Variants in DLG2 observed in about 807,000 individuals in gnomAD.
DLG2 encodes discs large MAGUK scaffold protein 2.
Under a neutral mutation model 132.5 loss-of-function variants are expected in DLG2, and 45 were observed. The observed-to-expected ratio is 0.34, with a 90% CI of 0.27 to 0.44. The LOEUF is 0.44. Among genes scored for constraint, DLG2 ranks in the 20% least tolerant of loss-of-function variants. The pLI is 1.00. For synonymous variants in DLG2, 424 were observed against 419.6 expected (o/e 1.01, Z -0.13); for missense variants, 1,045 against 1,196.9 (o/e 0.87, Z 1.87).
chr11:84,746,927 G>T (rs952097146), intron 6 of DLG2, among the ~76,000 whole-genome samples: 3 of 152,144 alleles, frequency 2.0e-5, no homozygotes, highest in Non-Finnish European at 2.9e-5. Flanking sequence ...CATATAGAAG[G>T]TCTCTCAGAA....
intron 6 of DLG2, among the ~76,000 whole-genome samples, chr11:84,922,608 T>C (rs2092806041): frequency 6.6e-6 from 1 of 152,104 alleles, no homozygotes; most frequent in South Asian, 2.1e-4. Flanking sequence ...ATGCACAGGA[T>C]GGTCAGGTAT....
rs1009831955 is a variant in DLG2, at chr11:85,044,793, C to T, written c.357+66868G>A. On this transcript the variant is annotated intron_variant, in intron 6 of 27. Transcript: ENST00000376104. ...ACACTCATATTCCAAATTCTCATTT[C>T]TCAGAATCTCTTCAAAAATAATTTA... Among the ~76,000 whole-genome samples the T allele has an allele frequency of 4.6e-5, 7 of 152,128 alleles. No individual in the cohort carries two copies. The South Asian group carries it at 1.5e-3, about 32-fold the overall frequency.
intron 11 of DLG2, among the ~76,000 whole-genome samples, chr11:84,023,153 G>A (rs886861123): frequency 6.6e-6 from 1 of 152,006 alleles, no homozygotes; most frequent in Admixed American, 6.6e-5. Flanking sequence ...ATTATAAATA[G>A]TCTGCCAAAA....
At chr11:84,449,952 AAAGTAT>A (rs1271909279) in intron 7 of DLG2, among the ~76,000 whole-genome samples, 3 of 151,936 alleles carry the variant, frequency 2.0e-5, no homozygotes, top group African/African-American at 4.8e-5. Flanking sequence ...CATTAAAATT[AAAGTAT>A]AAGTATGTTT....
chr11:85,598,014 A>T (rs902586783), intron 3 of DLG2, among the ~76,000 whole-genome samples: 3 of 140,660 alleles, frequency 2.1e-5, no homozygotes, highest in South Asian at 2.3e-4. Context: ...TATATAAAAA[A>T]AAATATATAA....
intron 6 of DLG2, among the ~76,000 whole-genome samples, chr11:84,597,276 A>G (rs1835759034): frequency 1.3e-5 from 2 of 152,200 alleles, no homozygotes; most frequent in South Asian, 4.1e-4. Context: ...GGAGCTTTAG[A>G]GTCTAACTGC....
At chr11:85,514,396 G>C (rs1023988344) in intron 3 of DLG2, among the ~76,000 whole-genome samples, 5 of 151,956 alleles carry the variant, frequency 3.3e-5, no homozygotes, top group Non-Finnish European at 5.9e-5. Context: ...AATCACATAG[G>C]AGAAATTTTT....
At chr11:85,319,949 G>T (rs913012578) in intron 3 of DLG2, among the ~76,000 whole-genome samples, 1 of 151,772 alleles carries the variant, frequency 6.6e-6, no homozygotes, top group African/African-American at 2.4e-5. Context: ...GAAAAAAATT[G>T]CAACATTTTT....
chr11:83,582,098 A>C (rs2096988914), intron 19 of DLG2, among the ~76,000 whole-genome samples: 1 of 151,906 alleles, frequency 6.6e-6, no homozygotes, highest in Non-Finnish European at 1.5e-5. Flanking sequence ...CTGGGATTAC[A>C]GGCAAGCGCC....
At chr11:84,321,639 C>G (rs2098405374) in intron 7 of DLG2, among the ~76,000 whole-genome samples, 1 of 152,176 alleles carries the variant, frequency 6.6e-6, no homozygotes, top group Non-Finnish European at 1.5e-5. Context: ...TTAATTCCTA[C>G]TCACCCTTCT....
At chr11:84,318,875 T>C (rs1276596619) in intron 7 of DLG2, among the ~76,000 whole-genome samples, 4 of 152,106 alleles carry the variant, frequency 2.6e-5, no homozygotes, top group East Asian at 1.9e-4. Flanking sequence ...AGTAAATACA[T>C]ACATATGTTT....
intron 6 of DLG2, among the ~76,000 whole-genome samples, chr11:84,970,786 T>A (rs952634523): frequency 2.6e-4 from 39 of 152,308 alleles, no homozygotes; most frequent in African/African-American, 8.7e-4. Context: ...TTTATTTTTT[T>A]AACTAATGCT....
At position 84,726,260 on chromosome 11, in the gene DLG2, C is replaced by T. The variant is rs1378301249; in HGVS notation, c.358-191529G>A. Reference sequence around the variant, plus strand: ...AGGTATTTCTCCTAATGCTATCCCTCCCATACCCCCTACCCCCAGGCAGGC... The same window carrying T: ...AGGTATTTCTCCTAATGCTATCCCTTCCATACCCCCTACCCCCAGGCAGGC... On this transcript the variant is annotated intron_variant, in intron 6 of 27. Transcript: ENST00000376104. Among the ~76,000 whole-genome samples the T allele has an allele frequency of 2.0e-5, 3 of 152,224 alleles. No individual in the cohort carries two copies. In the East Asian group the frequency reaches 5.8e-4, roughly 29 times the overall value.
chr11:85,374,999 A>T (rs35395221), intron 3 of DLG2, among the ~76,000 whole-genome samples: 2,029 of 152,244 alleles, frequency 0.013, 21 homozygotes, highest in Non-Finnish European at 0.023. Context: ...CATAAAGTTT[A>T]GTACCAGTTA....
intron 7 of DLG2, among the ~76,000 whole-genome samples, chr11:84,338,014 G>A (rs2098495834): frequency 6.6e-6 from 1 of 152,026 alleles, no homozygotes; most frequent in African/African-American, 2.4e-5. Context: ...TTGGAAATAT[G>A]AAAATATAAA....
At position 84,461,445 on chromosome 11, in the gene DLG2, T is replaced by G. The variant is rs1209887255; in HGVS notation, c.519+73125A>C. On this transcript the variant is annotated intron_variant, in intron 7 of 27. Coordinates refer to ENST00000376104, the MANE Select transcript of DLG2 (RefSeq NM_001142699.3). ...GATTAGATTAGTTGTAAGAGTGTAG[T>G]GTGAAAAATATGTTCTTTTTAAAAA... Among the ~76,000 whole-genome samples the G allele has an allele frequency of 1.3e-5, 2 of 151,012 alleles. 1 individual carries two copies. Among genetic ancestry groups the G allele is most frequent in the South Asian group, 4.1e-4 (2 of 4,822 alleles).
chr11:85,495,186 G>A (rs1478360757), intron 3 of DLG2, among the ~76,000 whole-genome samples: 3 of 152,084 alleles, frequency 2.0e-5, no homozygotes, highest in African/African-American at 7.2e-5. Context: ...GACAATAAAC[G>A]TTTTGGCAAA....
chr11:84,414,858 G>A lies in DLG2; in HGVS notation c.519+119712C>T, dbSNP rs1374301815. Among the ~76,000 whole-genome samples, 3 of 152,196 alleles carry A rather than the reference G, an allele frequency of 2.0e-5. No individual in the cohort carries two copies. In the South Asian group the frequency reaches 6.2e-4, roughly 32 times the overall value. On this transcript the variant is annotated intron_variant, in intron 7 of 27. Transcript: ENST00000376104. ...GCAAATATAAATTACATACCTGATT[G>A]TTCACAATTGTATTAAAAATATGTA...
intron 9 of DLG2, among the ~76,000 whole-genome samples, chr11:84,141,869 C>T (rs1037126698): frequency 6.6e-6 from 1 of 151,978 alleles, no homozygotes; most frequent in African/African-American, 2.4e-5. Context: ...GTTTTCTAAT[C>T]ATAATTCAGT....
Sources: allele counts gnomAD v4.1 joint callset (sites outside exome capture counted in the v4.1 genomes callset), GRCh38; gene constraint gnomAD v4.1.1; transcripts MANE v1.5; gene names NCBI Gene and HGNC (gene_info 2026-07-23, HGNC 2026-07-21).